EPHA8: variants seen among roughly 807,000 people sequenced by gnomAD.
The protein encoded by EPHA8 is EPH receptor A8.
Under a neutral mutation model 103.6 loss-of-function variants are expected in EPHA8, and 58 were observed. That is an observed-to-expected ratio of 0.56 (90% CI 0.45 to 0.70). The LOEUF (loss-of-function observed/expected upper bound fraction) is 0.70, where lower values mean the gene tolerates loss of function less well. Among genes scored for constraint, EPHA8 ranks in the 30% least tolerant of loss-of-function variants. EPHA8 has a pLI of 0.00. For missense variants in EPHA8, 1,304 were observed against 1,395.2 expected (o/e 0.93, Z 1.04); for synonymous variants, 559 against 572.5 (o/e 0.98, Z 0.34).
At chr1:22,593,210 C>T in intron 5 of EPHA8, 116 bp from the exon 6 acceptor site, 1 of 1,433,174 alleles carries the variant, frequency 7.0e-7, no homozygotes, top group Non-Finnish European at 9.4e-7. Context: ...GGGGCAGGAC[C>T]ATCAGGAAGC....
chr1:22,567,698 T>C lies in EPHA8; in HGVS notation c.95-1591T>C, dbSNP rs978219109. Among the ~76,000 whole-genome samples, 4 of 152,174 alleles carry C rather than the reference T, an allele frequency of 2.6e-5. No individual in the cohort carries two copies. Among genetic ancestry groups the C allele is most frequent in the African/African-American group, 9.7e-5 (4 of 41,450 alleles). On this transcript the variant is annotated intron_variant, in intron 1 of 16. Coordinates refer to ENST00000166244, the MANE Select transcript of EPHA8 (RefSeq NM_020526.5). The surrounding 1 kb of genome is among the most constrained non-coding windows in gnomAD (Gnocchi z 4.2). Reference sequence around the variant, plus strand: ...CCAGCATTTCCTGAGGACACTTGTCTCTGTCTTCGAGGGGCAGGCTTAGAG... The same window carrying C: ...CCAGCATTTCCTGAGGACACTTGTCCCTGTCTTCGAGGGGCAGGCTTAGAG...
chr1:22,570,890 G>A (rs887128167), intron 2 of EPHA8, among the ~76,000 whole-genome samples: 2 of 152,240 alleles, frequency 1.3e-5, no homozygotes, highest in South Asian at 4.1e-4. Flanking sequence ...TGTCTTCCCC[G>A]CGTGAGCGTG....
In EPHA8 at chr1:22,598,935, G is replaced by A. The variant is rs757176752; in HGVS notation, c.2276G>A (p.Arg759Gln). ...RYLSDLGYVH[R>Q]DLAARNVLVD... ...CTCTCAGACCTGGGCTATGTCCACC[G>A]AGACCTGGCCGCCCGCAACGTCCTG... The change falls in exon 13 of 17, where the codon CGA (arginine) becomes CAA (glutamine). Residue 759 changes from arginine (R) to glutamine (Q), a missense_variant. Physicochemically the swap from Arg to Gln is conservative, Grantham distance 43 (BLOSUM62 1). Transcript: ENST00000166244. This position sits in a 1 kb window ranked among gnomAD's most constrained non-coding sequence, Gnocchi z 5.1. The A allele has an allele frequency of 3.2e-5, 51 of 1,612,590 alleles. No individual in the cohort carries two copies. Among genetic ancestry groups the A allele is most frequent in the Admixed American group, 6.7e-5 (4 of 59,938 alleles).
chr1:22,571,652 T>C (rs899861226), intron 2 of EPHA8, among the ~76,000 whole-genome samples: 2 of 152,108 alleles, frequency 1.3e-5, no homozygotes, highest in African/African-American at 4.8e-5. Context: ...GATGCCTGAT[T>C]TCCAAACTCT....
intron 14 of EPHA8, 33 bp from the exon 15 acceptor site, chr1:22,600,865 G>A (rs759929516): frequency 1.3e-6 from 2 of 1,589,542 alleles, no homozygotes; most frequent in South Asian, 2.3e-5. Context: ...GGTGCAGGGA[G>A]GGACGGCTGA....
chr1:22,586,410 G>A, intron 3 of EPHA8, 70 bp from the exon 4 acceptor site: 1 of 1,560,916 alleles, frequency 6.4e-7, no homozygotes, highest in South Asian at 1.2e-5. Flanking sequence ...GTGGGCCACA[G>A]TGTGAGCGGT....
chr1:22,570,973 G>T (rs537024329), intron 2 of EPHA8, among the ~76,000 whole-genome samples: 54 of 152,222 alleles, frequency 3.5e-4, no homozygotes, highest in Non-Finnish European at 6.0e-4. Context: ...GTGGGTCCTG[G>T]TCCCTCCCTC....
chr1:22,580,725 A>C (rs946776305), intron 3 of EPHA8, among the ~76,000 whole-genome samples: 2 of 152,248 alleles, frequency 1.3e-5, no homozygotes, highest in African/African-American at 4.8e-5. Context: ...TCATTTGCTC[A>C]TTGCAGCAAG....
Position 22,570,324 on chromosome 1 carries a change from A to G in EPHA8, c.159+971A>G, listed in dbSNP as rs1204619771. Among the ~76,000 whole-genome samples, 6 of 117,800 alleles carry G rather than the reference A, an allele frequency of 5.1e-5. No homozygotes were observed. The South Asian group carries it at 1.2e-3, about 23-fold the overall frequency. 77.3% of individuals were successfully genotyped at this position (117,800 alleles called of 152,430 possible). ...CACACGTGTGCGTGTACACACATGCACACACGCACATGCACATGCGTGGGT... is the reference window on the plus strand; with the variant it reads ...CACACGTGTGCGTGTACACACATGCGCACACGCACATGCACATGCGTGGGT... On this transcript the variant is annotated intron_variant, in intron 2 of 16. Transcript: ENST00000166244.
intron 2 of EPHA8, among the ~76,000 whole-genome samples, chr1:22,572,791 T>G (rs1362923836): frequency 6.6e-6 from 1 of 152,172 alleles, no homozygotes; most frequent in Non-Finnish European, 1.5e-5. Context: ...AGTCAGTTTT[T>G]GGGCAGCGGA....
rs558477997 is a variant in EPHA8 at position 22,597,223 on chromosome 1, C to G, written c.1766-89C>G. 2.6e-6 allele frequency: 3 copies of G among 1,150,418 alleles called. No individual in the cohort carries two copies. The African/African-American group carries it at 4.7e-5, about 18-fold the overall frequency. The allele number at this position is 1,150,418 out of a possible 1,614,324, so 71.3% of individuals were successfully genotyped here. A position where few individuals can be genotyped will look rare whatever the true frequency, so the allele number is the denominator to read the frequency against. On this transcript the variant is annotated intron_variant, in intron 9 of 16. Transcript: ENST00000166244. The surrounding 1 kb of genome is among the most constrained non-coding windows in gnomAD (Gnocchi z 4.6). Reference sequence around the variant, plus strand: ...AGAGACTCCCAGAGACACCCCTCACCCCACCCCAGACCCATCCCAGGCCCA... The same window carrying G: ...AGAGACTCCCAGAGACACCCCTCACGCCACCCCAGACCCATCCCAGGCCCA...
chr1:22,579,405 T>C (rs1335208629), intron 3 of EPHA8, among the ~76,000 whole-genome samples: 4 of 150,480 alleles, frequency 2.7e-5, no homozygotes, highest in Non-Finnish European at 4.4e-5. Context: ...CATGTGTTCA[T>C]GAGTGTATGT....
chr1:22,596,237 T>G (rs1387989931), intron 9 of EPHA8, 64 bp downstream of exon 9: 12 of 1,519,852 alleles, frequency 7.9e-6, no homozygotes, highest in Non-Finnish European at 1.1e-5. Flanking sequence ...AGTGCTGGAC[T>G]GGGGGTGGCA....
chr1:22,576,132 G>T lies in EPHA8; in HGVS notation c.160-85G>T. The T allele has an allele frequency of 6.9e-7, 1 of 1,446,654 alleles. No individual in the cohort carries two copies. Among genetic ancestry groups the T allele is most frequent in the Non-Finnish European group, 9.3e-7 (1 of 1,078,486 alleles). The allele number at this position is 1,446,654 out of a possible 1,614,324, so 89.6% of individuals were successfully genotyped here. Reference sequence around the variant, plus strand: ...CTCCTTTGTCTTTTTTTTTGCCAGCGTCCCCAGCACAGAACACAGGGTCAT... The same window carrying T: ...CTCCTTTGTCTTTTTTTTTGCCAGCTTCCCCAGCACAGAACACAGGGTCAT... On this transcript the variant is annotated intron_variant, in intron 2 of 16. Coordinates refer to ENST00000166244, the MANE Select transcript of EPHA8 (RefSeq NM_020526.5). This position sits in a 1 kb window ranked among gnomAD's most constrained non-coding sequence, Gnocchi z 4.8.
chr1:22,571,171 T>C (rs1310855133), intron 2 of EPHA8, among the ~76,000 whole-genome samples: 1 of 152,172 alleles, frequency 6.6e-6, no homozygotes, highest in Non-Finnish European at 1.5e-5. Flanking sequence ...TTTTGGACGC[T>C]CACACTGGCA....
At chr1:22,587,568 A>G (rs753991564) in intron 4 of EPHA8, among the ~76,000 whole-genome samples, 1 of 152,072 alleles carries the variant, frequency 6.6e-6, no homozygotes, top group Non-Finnish European at 1.5e-5. Context: ...CTCTCCTCTC[A>G]TGTGTCCTAA....
intron 13 of EPHA8, among the ~76,000 whole-genome samples, chr1:22,599,401 T>C (rs1172536900): frequency 2.0e-5 from 3 of 151,932 alleles, no homozygotes; most frequent in Non-Finnish European, 4.4e-5. Context: ...ACACATTCCA[T>C]GGGGATTTGG....
chr1:22,601,004 G>A lies in EPHA8; in HGVS notation c.2645G>A (p.Arg882Gln), dbSNP rs765954947. The A allele has an allele frequency of 9.9e-6, 16 of 1,612,916 alleles. No homozygotes were observed. Among genetic ancestry groups the A allele is most frequent in the South Asian group, 3.3e-5 (3 of 91,080 alleles). Reference sequence around the variant, plus strand: ...TGTTGGCACAAGGACCGGGCGCAGCGGCCTCGCTTCTCCCAGATTGTCAGT... The same window carrying A: ...TGTTGGCACAAGGACCGGGCGCAGCAGCCTCGCTTCTCCCAGATTGTCAGT... Reference protein sequence around the residue: ...LDCWHKDRAQRPRFSQIVSVL... With the variant: ...LDCWHKDRAQQPRFSQIVSVL... Residue 882 changes from arginine (R) to glutamine (Q), a missense_variant, in exon 15 of 17, where the codon CGG becomes CAG. Physicochemically the swap from Arg to Gln is conservative, Grantham distance 43. Coordinates refer to ENST00000166244, the MANE Select transcript of EPHA8 (RefSeq NM_020526.5).
chr1:22,586,775 T>G, intron 4 of EPHA8, 140 bp downstream of exon 4: 5 of 997,702 alleles, frequency 5.0e-6, no homozygotes, highest in African/African-American at 2.6e-5. Context: ...GAGGCCAGTC[T>G]GAGGTGGGGG....
Sources: gnomAD v4.1 joint callset for allele counts (sites outside exome capture counted in the v4.1 genomes callset) on GRCh38, gnomAD v4.1.1 for gene constraint, Gnocchi (gnomAD v3.1) non-coding constraint, MANE v1.5 for transcripts, NCBI Gene and HGNC (gene_info 2026-07-23, HGNC 2026-07-21) for gene names.